OCIAD1: variants seen among roughly 807,000 people sequenced by gnomAD.
OCIAD1 encodes OCIA domain-containing protein 1.
Under a neutral mutation model 38.9 loss-of-function variants are expected in OCIAD1, and 29 were observed. The observed-to-expected ratio is 0.74, with a 90% confidence interval of 0.55 to 1.02. The LOEUF (loss-of-function observed/expected upper bound fraction) is 1.02. Ranked by LOEUF, OCIAD1 falls within the 50% of genes least tolerant of loss-of-function variation. OCIAD1 has a pLI of 0.00. For missense variants in OCIAD1, 288 were observed against 289.6 expected (o/e 0.99, Z 0.04); for synonymous variants, 110 against 92.0 (o/e 1.20, Z -1.12).
At chr4:48,857,599 A>G (rs1780171521) in intron 8 of OCIAD1, among the ~76,000 whole-genome samples, 1 of 150,864 alleles carries the variant, frequency 6.6e-6, no homozygotes, top group African/African-American at 2.4e-5. Context: ...GGCTCACTGC[A>G]GCCTCTGCCT....
intron 3 of OCIAD1, among the ~76,000 whole-genome samples, chr4:48,839,813 TG>T (rs1778363612): frequency 6.6e-6 from 1 of 152,180 alleles, no homozygotes; most frequent in African/African-American, 2.4e-5. Context: ...CACTAGGTTT[TG>T]GTCAGCAGTA....
intron 1 of OCIAD1, among the ~76,000 whole-genome samples, chr4:48,815,099 G>A (rs2109490647): frequency 6.6e-6 from 1 of 152,276 alleles, no homozygotes; most frequent in South Asian, 2.1e-4. Flanking sequence ...AGATCATGAG[G>A]TCAGGAGTTC....
At chr4:48,809,832 C>T (rs1490566397) in intron 1 of OCIAD1, among the ~76,000 whole-genome samples, 1 of 152,186 alleles carries the variant, frequency 6.6e-6, no homozygotes, top group Non-Finnish European at 1.5e-5. Flanking sequence ...GCTATGTTTT[C>T]CTCTAATAAC....
chr4:48,857,524 T>TC (rs767823193), intron 8 of OCIAD1, among the ~76,000 whole-genome samples, 159 bp downstream of exon 8: 40 of 152,114 alleles, frequency 2.6e-4, no homozygotes, highest in Admixed American at 6.5e-4. Context: ...AGTTATCAGT[T>TC]CTTTTTTTTT....
chr4:48,811,050 T>A lies in OCIAD1; in HGVS notation c.-103+5720T>A, dbSNP rs536234905. Among the ~76,000 whole-genome samples the A allele has an allele frequency of 2.8e-3, 419 of 151,628 alleles. 1 individual carries two copies. Among genetic ancestry groups the A allele is most frequent in the African/African-American group, 9.7e-3 (400 of 41,316 alleles). On this transcript the variant is annotated intron_variant, in intron 1 of 6. Coordinates refer to the OCIAD1 transcript ENST00000504654. ...TTTTGTGTTTTTAATAGAGACAGAG[T>A]TTTGTCATGTTGTCCAGGCTGGTCT...
chr4:48,832,799 A>G, intron 2 of OCIAD1, 117 bp downstream of exon 2: 1 of 743,606 alleles, frequency 1.3e-6, no homozygotes, highest in African/African-American at 1.7e-5. Flanking sequence ...ACAGCGCCCC[A>G]TACTTGGTTT....
At chr4:48,818,399 C>T (rs373466670) in intron 1 of OCIAD1, among the ~76,000 whole-genome samples, 14 of 152,026 alleles carry the variant, frequency 9.2e-5, no homozygotes, top group South Asian at 4.1e-4. Context: ...AGGACCCCCA[C>T]GTAAAGACTC....
At chr4:48,858,240 A>G (rs1478088572) in intron 8 of OCIAD1, among the ~76,000 whole-genome samples, 1 of 152,170 alleles carries the variant, frequency 6.6e-6, no homozygotes, top group Non-Finnish European at 1.5e-5. Flanking sequence ...CACAGGGTAG[A>G]GACATACTCA....
chr4:48,843,712 A>G (rs1647279025), intron 4 of OCIAD1, among the ~76,000 whole-genome samples: 1 of 152,168 alleles, frequency 6.6e-6, no homozygotes, highest in Non-Finnish European at 1.5e-5. Flanking sequence ...TTGTGAAACA[A>G]CAACAACAAC....
intron 6 of OCIAD1, among the ~76,000 whole-genome samples, chr4:48,850,642 C>T (rs545167018): frequency 5.3e-5 from 8 of 152,166 alleles, no homozygotes; most frequent in Admixed American, 2.6e-4. Flanking sequence ...GGCGTGATCT[C>T]GGCTCACTGC....
At chr4:48,817,780 T>G (rs1239676188) in intron 1 of OCIAD1, among the ~76,000 whole-genome samples, 1 of 152,142 alleles carries the variant, frequency 6.6e-6, no homozygotes, top group Non-Finnish European at 1.5e-5. Flanking sequence ...TAGAAGGCAG[T>G]TTTCTCCTGA....
At chr4:48,852,875 G>GT (rs770694566) in intron 7 of OCIAD1, among the ~76,000 whole-genome samples, 140 of 69,114 alleles carry the variant, frequency 2.0e-3, no homozygotes, top group African/African-American at 9.0e-3. Context: ...GTTTTTTTTT[G>GT]TTTTTTGTTT....
chr4:48,833,606 T>C (rs1423884715), intron 3 of OCIAD1, 125 bp downstream of exon 3: 2 of 610,666 alleles, frequency 3.3e-6, no homozygotes, highest in East Asian at 5.6e-5. Flanking sequence ...TTGCATAGTG[T>C]GGTTGTTGTT....
chr4:48,860,828 T>TA lies in OCIAD1; in HGVS notation c.*66_*67insA. On this transcript the variant is annotated 3_prime_UTR_variant, in exon 9 of 9. Transcript: ENST00000264312. Reference sequence around the variant, plus strand: ...CTTCATCTAGGTGGTCATGATTACCTGCATGCTTTGAGCTCAGCAGCAGTC... The same window carrying TA: ...CTTCATCTAGGTGGTCATGATTACCTAGCATGCTTTGAGCTCAGCAGCAGTC... The TA allele has an allele frequency of 8.8e-7, 1 of 1,139,888 alleles. No homozygotes were observed. Among genetic ancestry groups the TA allele is most frequent in the Non-Finnish European group, 1.3e-6 (1 of 754,142 alleles). The allele number at this position is 1,139,888 out of a possible 1,614,324, so 70.6% of individuals were successfully genotyped here.
intron 8 of OCIAD1, among the ~76,000 whole-genome samples, chr4:48,857,606 G>A (rs1780173293): frequency 6.6e-6 from 1 of 151,308 alleles, no homozygotes; most frequent in African/African-American, 2.4e-5. Context: ...TGCAGCCTCT[G>A]CCTCCTGGAT....
Position 48,860,826 on chromosome 4 carries a change from C to T in OCIAD1, c.*64C>T, listed in dbSNP as rs1780544709. On this transcript the variant is annotated 3_prime_UTR_variant, in exon 9 of 9. Coordinates refer to ENST00000264312, the MANE Select transcript of OCIAD1 (RefSeq NM_017830.4). ...AGCTTCATCTAGGTGGTCATGATTA[C>T]CTGCATGCTTTGAGCTCAGCAGCAG... 2 of 1,170,254 alleles carry T rather than the reference C, an allele frequency of 1.7e-6. No homozygotes were observed. The highest frequency in any genetic ancestry group is 2.4e-5 in the East Asian group (1 of 42,528). 72.5% of individuals were successfully genotyped at this position (1,170,254 alleles called of 1,614,324 possible).
chr4:48,848,663 A>T (rs1371180485), intron 5 of OCIAD1: 1 of 349,576 alleles, frequency 2.9e-6, no homozygotes, highest in African/African-American at 2.1e-5. Context: ...GTGTCTTTAT[A>T]ATGTAATAGA....
At chr4:48,827,947 T>A (rs1435963287), upstream of OCIAD1, among the ~76,000 whole-genome samples, 1 of 152,106 alleles carries the variant, frequency 6.6e-6, no homozygotes, top group African/African-American at 2.4e-5. Flanking sequence ...GATGCACCAA[T>A]CAGCACTCTG....
At chr4:48,857,882 G>A (rs911496615) in intron 8 of OCIAD1, among the ~76,000 whole-genome samples, 2 of 152,058 alleles carry the variant, frequency 1.3e-5, no homozygotes, top group South Asian at 2.1e-4. Flanking sequence ...GGCCAGGTGT[G>A]GTGTCTCATG....
Sources: allele counts gnomAD v4.1 joint callset (sites outside exome capture counted in the v4.1 genomes callset), GRCh38; gene constraint gnomAD v4.1.1; transcripts MANE v1.5; gene names NCBI Gene and HGNC (gene_info 2026-07-23, HGNC 2026-07-21).